AJAP1: variants seen among roughly 807,000 people sequenced by gnomAD.
AJAP1 encodes the protein adherens junctions associated protein 1, also known as adherens junction-associated protein 1.
Under a neutral mutation model 35.0 loss-of-function variants are expected in AJAP1, and 5 were observed. That is an observed-to-expected ratio of 0.14 (90% CI 0.07 to 0.30). AJAP1 has a LOEUF of 0.30. Ranked by LOEUF, AJAP1 falls within the 10% of genes least tolerant of loss-of-function variation. AJAP1 has a pLI of 1.00. For missense variants in AJAP1, 586 were observed against 571.0 expected (o/e 1.03, Z -0.27); for synonymous variants, 284 against 249.3 (o/e 1.14, Z -1.31).
At chr1:4,707,498 G>A (rs1449770018) in intron 1 of AJAP1, among the ~76,000 whole-genome samples, 3 of 151,982 alleles carry the variant, frequency 2.0e-5, no homozygotes, top group Non-Finnish European at 4.4e-5. Flanking sequence ...TCCTATAAAC[G>A]GAACCGGGCA....
chr1:4,770,215 A>C (rs570714770), intron 3 of AJAP1, among the ~76,000 whole-genome samples: 1 of 152,184 alleles, frequency 6.6e-6, no homozygotes, highest in Admixed American at 6.5e-5. Flanking sequence ...TCTGGATCCA[A>C]GTGTCCCTTG....
At chr1:4,668,826 C>G (rs1430831032) in intron 1 of AJAP1, among the ~76,000 whole-genome samples, 3 of 152,234 alleles carry the variant, frequency 2.0e-5, no homozygotes, top group Non-Finnish European at 4.4e-5. Flanking sequence ...CGGGCTCTGC[C>G]TGCCTTTTAT....
chr1:4,742,016 G>A (rs766700567), intron 2 of AJAP1, among the ~76,000 whole-genome samples: 25 of 152,236 alleles, frequency 1.6e-4, no homozygotes, highest in Non-Finnish European at 2.5e-4. Context: ...GGTGATGCAC[G>A]TGAAAGGAAT....
chr1:4,682,876 G>A (rs1639516751), intron 1 of AJAP1, among the ~76,000 whole-genome samples: 1 of 151,748 alleles, frequency 6.6e-6, no homozygotes, highest in Non-Finnish European at 1.5e-5. Context: ...TGATTGTGAT[G>A]ATGATGTTGG....
intron 2 of AJAP1, among the ~76,000 whole-genome samples, chr1:4,746,182 C>T (rs1330510681): frequency 1.3e-5 from 2 of 152,178 alleles, no homozygotes; most frequent in African/African-American, 4.8e-5. Flanking sequence ...AGGCATTCCT[C>T]GGACGGTGGC....
At chr1:4,658,100 G>A (rs1638921812) in intron 1 of AJAP1, among the ~76,000 whole-genome samples, 2 of 152,168 alleles carry the variant, frequency 1.3e-5, no homozygotes, top group African/African-American at 2.4e-5. Flanking sequence ...TCCTGGTTGT[G>A]AGTTGCTTCC....
chr1:4,724,077 T>G (rs916421743), intron 2 of AJAP1, among the ~76,000 whole-genome samples: 1 of 152,112 alleles, frequency 6.6e-6, no homozygotes, highest in Non-Finnish European at 1.5e-5. Context: ...AGGAATGAAA[T>G]CCCATGGGTA....
intron 2 of AJAP1, among the ~76,000 whole-genome samples, chr1:4,757,888 C>A (rs1307697815): frequency 1.3e-5 from 2 of 152,158 alleles, no homozygotes; most frequent in Admixed American, 1.3e-4. Flanking sequence ...CCCAAATCTC[C>A]TCTTGAATTG....
intron 5 of AJAP1, among the ~76,000 whole-genome samples, chr1:4,775,628 A>G (rs1033568990): frequency 1.3e-5 from 2 of 152,202 alleles, no homozygotes; most frequent in Non-Finnish European, 2.9e-5. Context: ...TCAGTTCCTC[A>G]TCCTGGCACT....
chr1:4,665,985 C>T (rs1471720932), intron 1 of AJAP1, among the ~76,000 whole-genome samples: 5 of 152,280 alleles, frequency 3.3e-5, no homozygotes, highest in South Asian at 2.1e-4. Flanking sequence ...GACAGCCAGG[C>T]GGAGGGAATG....
chr1:4,713,919 A>C (rs1330510717), intron 2 of AJAP1, among the ~76,000 whole-genome samples: 1 of 152,212 alleles, frequency 6.6e-6, no homozygotes, highest in African/African-American at 2.4e-5. Context: ...TTCAGAGCTC[A>C]TGTGCAGGCG....
intron 2 of AJAP1, among the ~76,000 whole-genome samples, chr1:4,760,776 G>C (rs1412499328): frequency 1.3e-5 from 2 of 152,224 alleles, no homozygotes. Flanking sequence ...ATGCAGGCTT[G>C]GCCTTCGCCA....
Position 4,729,312 on chromosome 1 carries a change from G to A in AJAP1, c.829+16613G>A, listed in dbSNP as rs116477450. Among the ~76,000 whole-genome samples, 707 of 152,168 alleles carry A rather than the reference G, an allele frequency of 4.6e-3. 4 individuals carry two copies. Among genetic ancestry groups the A allele is most frequent in the African/African-American group, 0.016 (662 of 41,528 alleles). On this transcript the variant is annotated intron_variant, in intron 2 of 5. Transcript: ENST00000378191. Reference sequence around the variant, plus strand: ...CTCGAGGGCGTCACTCCTCCTGCGAGTGCAGACCTGGGGCCTGGGGGTCCA... The same window carrying A: ...CTCGAGGGCGTCACTCCTCCTGCGAATGCAGACCTGGGGCCTGGGGGTCCA...
chr1:4,712,102 G>C lies in AJAP1; in HGVS notation c.232G>C (p.Val78Leu). 1 of 1,550,248 alleles carries C rather than the reference G, an allele frequency of 6.5e-7. No individual in the cohort carries two copies. Among genetic ancestry groups the C allele is most frequent in the Non-Finnish European group, 8.7e-7 (1 of 1,155,960 alleles). The change falls in exon 2 of 6, where the codon GTG (valine) becomes CTG (leucine). Residue 78 changes from valine (V) to leucine (L), a missense_variant. Physicochemically the swap from Val to Leu is conservative, Grantham distance 32. Transcript: ENST00000378191. ...SGQPARVPAP[V>L]WSPRPPRVER... ...ACAGCCAGCGCGGGTCCCGGCCCCG[G>C]TGTGGAGCCCCCGGCCGCCCCGAGT...
intron 1 of AJAP1, among the ~76,000 whole-genome samples, chr1:4,698,045 G>A (rs997029069): frequency 6.6e-6 from 1 of 152,254 alleles, no homozygotes; most frequent in Admixed American, 6.5e-5. Flanking sequence ...AGGCAGCAGA[G>A]CCTCGCTTCT....
At chr1:4,770,256 T>C (rs1039701186) in intron 3 of AJAP1, among the ~76,000 whole-genome samples, 5 of 152,100 alleles carry the variant, frequency 3.3e-5, no homozygotes, top group South Asian at 2.1e-4. Flanking sequence ...ACAGTCCCTA[T>C]ATCTTGTCTC....
intron 1 of AJAP1, among the ~76,000 whole-genome samples, chr1:4,666,763 CG>C (rs1639134467): frequency 1.5e-5 from 2 of 136,254 alleles, no homozygotes; most frequent in African/African-American, 2.8e-5. Flanking sequence ...CCGTGAATCA[CG>C]GGAGGGATGC....
chr1:4,712,268 C>G lies in AJAP1; in HGVS notation c.398C>G (p.Ser133Trp). The G allele has an allele frequency of 6.6e-7, 1 of 1,508,312 alleles. No homozygotes were observed. The highest frequency in any genetic ancestry group is 8.8e-7 in the Non-Finnish European group (1 of 1,132,558). The allele number at this position is 1,508,312 out of a possible 1,614,324, so 93.4% of individuals were successfully genotyped here. A position where few individuals can be genotyped will look rare whatever the true frequency, so the allele number is the denominator to read the frequency against. ...AAATCCAGCCCTTCCCTCGCCTCTT[C>G]GTCCTCGTCCTCGTCCTCCGCGGTG... ...AAKSSPSLASSSSSSSSAVAG... is the reference protein window; with the variant it reads ...AAKSSPSLASWSSSSSSAVAG... The change falls in exon 2 of 6, where the codon TCG becomes TGG. Residue 133 changes from serine (S) to tryptophan (W), a missense_variant. Transcript: ENST00000378191.
At chr1:4,696,918 A>G (rs1357710573) in intron 1 of AJAP1, among the ~76,000 whole-genome samples, 1 of 149,376 alleles carries the variant, frequency 6.7e-6, no homozygotes, top group Non-Finnish European at 1.5e-5. Context: ...ACATGCATGC[A>G]TGTTCTGTGT....
Sources: gnomAD v4.1 joint callset for allele counts (sites outside exome capture counted in the v4.1 genomes callset) on GRCh38, gnomAD v4.1.1 for gene constraint, MANE v1.5 for transcripts, NCBI Gene and HGNC (gene_info 2026-07-23, HGNC 2026-07-21) for gene names.